The following FLI1 variants were observed in gnomAD, a reference collection of about 807,000 sequenced individuals.
FLI1 encodes Fli-1 proto-oncogene, ETS transcription factor.
In FLI1, 13 loss-of-function variants were observed where a neutral mutation model predicts 53.1. That is an observed-to-expected ratio of 0.24 (90% CI 0.16 to 0.39). The LOEUF is 0.39. FLI1 is among the 10% of genes least tolerant of loss of function. The probability of loss-of-function intolerance (pLI) is 1.00; values close to 1 mark genes in which losing one functional copy is unlikely to be tolerated. For synonymous variants in FLI1, 244 were observed against 236.7 expected (o/e 1.03, Z -0.28); for missense variants, 424 against 600.5 (o/e 0.71, Z 3.07).
intron 1 of FLI1, among the ~76,000 whole-genome samples, chr11:128,716,129 G>A (rs1175823917): frequency 6.6e-6 from 1 of 152,170 alleles, no homozygotes; most frequent in Non-Finnish European, 1.5e-5. Context: ...CATTGGCTGG[G>A]GGAGTAAAAA....
Position 128,768,161 on chromosome 11 carries a change from G to C in FLI1, c.274G>C (p.Val92Leu), listed in dbSNP as rs1388322483. Residue 92 changes from valine (V) to leucine (L), a missense_variant, in exon 3 of 9, where the codon GTG (valine) becomes CTG (leucine). Coordinates refer to ENST00000527786, the MANE Select transcript of FLI1 (RefSeq NM_002017.5). The part of the protein sequence containing the change: ...DCSVSKCSKL[V>L]GGGESNPMNY... ...CAGCGTTAGCAAATGCAGCAAGCTG[G>C]TGGGCGGAGGCGAGTCCAACCCCAT... The C allele has an allele frequency of 1.2e-6, 2 of 1,613,850 alleles. No individual in the cohort carries two copies. Among genetic ancestry groups the C allele is most frequent in the African/African-American group, 1.3e-5 (1 of 75,012 alleles).
intron 1 of FLI1, among the ~76,000 whole-genome samples, chr11:128,737,712 C>T (rs917594039): frequency 3.3e-5 from 5 of 152,162 alleles, no homozygotes; most frequent in Admixed American, 2.0e-4. Flanking sequence ...CCTAAGATAG[C>T]TTATGTGAAT....
chr11:128,771,289 C>G (rs925997214), intron 3 of FLI1, among the ~76,000 whole-genome samples: 1 of 152,224 alleles, frequency 6.6e-6, no homozygotes, highest in Non-Finnish European at 1.5e-5. Flanking sequence ...TAACTCCTCC[C>G]CTTTGCCAGC....
At chr11:128,723,933 ATTT>A (rs376612983) in intron 1 of FLI1, among the ~76,000 whole-genome samples, 9 of 80,996 alleles carry the variant, frequency 1.1e-4, no homozygotes, top group African/African-American at 4.7e-4. Flanking sequence ...AATGGAGTTG[ATTT>A]TTTTTTTTTT....
intron 1 of FLI1, among the ~76,000 whole-genome samples, chr11:128,703,502 T>A (rs1236072265): frequency 6.6e-6 from 1 of 152,158 alleles, no homozygotes; most frequent in Non-Finnish European, 1.5e-5. Flanking sequence ...TATACACTGA[T>A]TTAGAAAATT....
intron 1 of FLI1, among the ~76,000 whole-genome samples, chr11:128,700,151 A>G (rs1451266640): frequency 6.6e-6 from 1 of 152,198 alleles, no homozygotes; most frequent in Non-Finnish European, 1.5e-5. Flanking sequence ...CCCTTTCATA[A>G]ATCTCTTCAC....
At position 128,794,758 on chromosome 11, in the gene FLI1, G is replaced by C. The variant is rs188829986; in HGVS notation, c.656-10608G>C. ...GTTGTGAGTGGGCTTTTTCTTTCTT[G>C]TCTCAGGGATCTGTAAGATCGAGAA... On this transcript the variant is annotated intron_variant, in intron 5 of 8. Coordinates refer to ENST00000527786, the MANE Select transcript of FLI1 (RefSeq NM_002017.5). Among the ~76,000 whole-genome samples the C allele has an allele frequency of 9.9e-5, 15 of 152,248 alleles. 1 individual carries two copies. Among genetic ancestry groups the C allele is most frequent in the Non-Finnish European group, 2.2e-4 (15 of 68,014 alleles).
intron 1 of FLI1, among the ~76,000 whole-genome samples, chr11:128,744,963 G>A (rs1310895707): frequency 6.6e-6 from 1 of 152,232 alleles, no homozygotes; most frequent in South Asian, 2.1e-4. Context: ...GCTGGAGTGA[G>A]CAGGGAGACT....
intron 5 of FLI1, among the ~76,000 whole-genome samples, chr11:128,783,482 GT>G (rs1266727351): frequency 6.6e-6 from 1 of 152,166 alleles, no homozygotes; most frequent in African/African-American, 2.4e-5. Context: ...TTCTGCCACT[GT>G]TTTTCCTTTC....
At chr11:128,756,022 A>G (rs1371326390) in intron 1 of FLI1, among the ~76,000 whole-genome samples, 1 of 152,252 alleles carries the variant, frequency 6.6e-6, no homozygotes, top group East Asian at 1.9e-4. Flanking sequence ...TTCTACAGGC[A>G]TATGAAGAGC....
At chr11:128,690,667 C>T (rs920358709), upstream of FLI1, among the ~76,000 whole-genome samples, 1 of 152,242 alleles carries the variant, frequency 6.6e-6, no homozygotes, top group Non-Finnish European at 1.5e-5. Flanking sequence ...GCTCCAAATC[C>T]AAATATTTCC....
At chr11:128,788,573 A>G (rs996784874) in intron 5 of FLI1, among the ~76,000 whole-genome samples, 4 of 152,194 alleles carry the variant, frequency 2.6e-5, no homozygotes, top group Admixed American at 2.6e-4. Context: ...TGCTACACAC[A>G]AGATATTTTC....
At chr11:128,693,670 T>C (rs1263981913), upstream of FLI1, 1 of 227,296 alleles carries the variant, frequency 4.4e-6, no homozygotes, top group Admixed American at 5.7e-5. Context: ...TGGCTTTGGA[T>C]TTTGGGGGAA....
At chr11:128,766,916 G>A (rs1045130761) in intron 2 of FLI1, among the ~76,000 whole-genome samples, 13 of 147,484 alleles carry the variant, frequency 8.8e-5, no homozygotes, top group South Asian at 4.3e-4. Context: ...TGCCAGAACC[G>A]ATGCTTCCTG....
At chr11:128,693,730 C>T (rs371760995), upstream of FLI1, 4 of 233,384 alleles carry the variant, frequency 1.7e-5, no homozygotes, top group Admixed American at 5.6e-5. Flanking sequence ...GGACGCTGGG[C>T]GTGGACCCCG....
chr11:128,774,689 A>G (rs1257312045), intron 4 of FLI1, among the ~76,000 whole-genome samples: 2 of 152,218 alleles, frequency 1.3e-5, no homozygotes, highest in African/African-American at 4.8e-5. Flanking sequence ...CAGTGCTTCG[A>G]GACTCTTCGG....
chr11:128,714,870 A>C (rs4936066), intron 1 of FLI1, among the ~76,000 whole-genome samples: 30,355 of 151,772 alleles, frequency 0.2, 3,503 homozygotes, highest in Admixed American at 0.35. Context: ...CACCACGCCC[A>C]GCTAATTTTT....
intron 5 of FLI1, among the ~76,000 whole-genome samples, chr11:128,782,712 C>T (rs1303860909): frequency 6.6e-6 from 1 of 152,066 alleles, no homozygotes; most frequent in African/African-American, 2.4e-5. Flanking sequence ...AAAATTTTAG[C>T]GATGTCAATT....
intron 1 of FLI1, among the ~76,000 whole-genome samples, chr11:128,725,093 A>G (rs1196990706): frequency 6.6e-6 from 1 of 152,182 alleles, no homozygotes; most frequent in African/African-American, 2.4e-5. Context: ...GACCACCACA[A>G]GTACCAGTGG....
Sources: allele counts gnomAD v4.1 joint callset (sites outside exome capture counted in the v4.1 genomes callset), GRCh38; gene constraint gnomAD v4.1.1; transcripts MANE v1.5; gene names NCBI Gene and HGNC (gene_info 2026-07-23, HGNC 2026-07-21).